Variants in CAB39L observed in about 807,000 individuals in gnomAD.
CAB39L encodes calcium binding protein 39 like, also known as calcium-binding protein 39-like.
A neutral mutation model predicts 39.1 loss-of-function variants in CAB39L; 23 were observed. The observed-to-expected ratio is 0.59, with a 90% CI of 0.42 to 0.83. The LOEUF is 0.83. Among genes scored for constraint, CAB39L ranks in the 40% least tolerant of loss-of-function variants. The pLI is 0.00. For missense variants in CAB39L, 366 were observed against 391.9 expected (o/e 0.93, Z 0.56); for synonymous variants, 126 against 137.2 (o/e 0.92, Z 0.57).
At chr13:49,356,256 T>G (rs1415285906) in intron 6 of CAB39L, among the ~76,000 whole-genome samples, 3 of 152,146 alleles carry the variant, frequency 2.0e-5, no homozygotes, top group Non-Finnish European at 4.4e-5. Context: ...AAAATGAAAC[T>G]GCTTAAAATT....
chr13:49,390,929 TG>T lies in CAB39L; in HGVS notation c.-31-7989del, dbSNP rs1297771579. Reference sequence around the variant, plus strand: ...AAAGGAAAAGAAAAAAACAGATAACTGATGAGAGAGTAACAAATACATCAAC... The same window carrying T: ...AAAGGAAAAGAAAAAAACAGATAACTATGAGAGAGTAACAAATACATCAAC... On this transcript the variant is annotated intron_variant, in intron 3 of 10. Coordinates refer to ENST00000409308, the MANE Select transcript of CAB39L (RefSeq NM_001079670.3). Among the ~76,000 whole-genome samples the T allele has an allele frequency of 1.3e-5, 2 of 150,898 alleles. 1 individual carries two copies. The highest frequency in any genetic ancestry group is 4.9e-5 in the African/African-American group (2 of 40,808).
intron 10 of CAB39L, among the ~76,000 whole-genome samples, chr13:49,315,897 AAAG>A (rs1195668216): frequency 1.3e-5 from 2 of 150,706 alleles, no homozygotes; most frequent in African/African-American, 2.4e-5. Flanking sequence ...AAAAAAAAAA[AAAG>A]AAAAGAAAAG....
intron 9 of CAB39L, among the ~76,000 whole-genome samples, chr13:49,338,702 G>A (rs958067418): frequency 3.3e-5 from 5 of 152,070 alleles, no homozygotes; most frequent in East Asian, 1.9e-4. Context: ...TCGTATATGC[G>A]ATCATGTAGT....
At chr13:49,371,299 T>C (rs984265182) in intron 5 of CAB39L, among the ~76,000 whole-genome samples, 2 of 151,746 alleles carry the variant, frequency 1.3e-5, no homozygotes, top group Non-Finnish European at 2.9e-5. Context: ...GCGATTCTCC[T>C]GCCTCAGCCT....
At chr13:49,332,405 T>C (rs1280707518) in intron 9 of CAB39L, among the ~76,000 whole-genome samples, 1 of 152,214 alleles carries the variant, frequency 6.6e-6, no homozygotes, top group Non-Finnish European at 1.5e-5. Flanking sequence ...TTCGCACTAA[T>C]GTATTGCTCC....
intron 4 of CAB39L, among the ~76,000 whole-genome samples, chr13:49,378,207 A>C: frequency 3.7e-5 from 3 of 82,166 alleles, no homozygotes; most frequent in South Asian, 4.4e-4. Context: ...CAGCCACCCC[A>C]TCTGGGAAGT....
chr13:49,440,715 A>AGTGTGTGTGTGTGTGTGTGTGT (rs56314282), intron 1 of CAB39L, among the ~76,000 whole-genome samples: 8 of 135,538 alleles, frequency 5.9e-5, no homozygotes, highest in Non-Finnish European at 8.1e-5. Context: ...ATTCCTAGGC[A>AGTGTGTGTGTGTGTGTGTGTGT]GTGTGTGTGT....
At chr13:49,355,381 C>T (rs897009957) in intron 6 of CAB39L, among the ~76,000 whole-genome samples, 2 of 151,812 alleles carry the variant, frequency 1.3e-5, no homozygotes, top group African/African-American at 4.8e-5. Context: ...GACCCTGTCT[C>T]GATAAATAAA....
chr13:49,346,259 T>C (rs1205848234), intron 7 of CAB39L, among the ~76,000 whole-genome samples: 4 of 143,178 alleles, frequency 2.8e-5, no homozygotes, highest in Non-Finnish European at 4.5e-5. Flanking sequence ...AAACCACATA[T>C]ACATACACAC....
At chr13:49,396,622 C>T (rs1184237608) in intron 3 of CAB39L, among the ~76,000 whole-genome samples, 1 of 151,948 alleles carries the variant, frequency 6.6e-6, no homozygotes, top group African/African-American at 2.4e-5. Flanking sequence ...GCAGGAGAAT[C>T]ACTTGAACCC....
intron 4 of CAB39L, among the ~76,000 whole-genome samples, chr13:49,378,550 C>A (rs1956160412): frequency 1.3e-5 from 1 of 74,920 alleles, no homozygotes; most frequent in Non-Finnish European, 2.7e-5. Context: ...GGGGTCAGCC[C>A]CCCCACCCGG....
intron 7 of CAB39L, among the ~76,000 whole-genome samples, chr13:49,346,650 G>GT (rs1377234216): frequency 6.6e-6 from 1 of 152,154 alleles, no homozygotes; most frequent in East Asian, 1.9e-4. Context: ...GACAGCTGCC[G>GT]TTTAGAGGGC....
At chr13:49,388,287 G>A (rs1956411721) in intron 3 of CAB39L, among the ~76,000 whole-genome samples, 1 of 152,116 alleles carries the variant, frequency 6.6e-6, no homozygotes, top group Admixed American at 6.6e-5. Context: ...AGCGTAAACA[G>A]AAAAACAATC....
At chr13:49,418,350 G>A (rs137992245) in intron 3 of CAB39L, among the ~76,000 whole-genome samples, 3 of 152,128 alleles carry the variant, frequency 2.0e-5, no homozygotes, top group South Asian at 2.1e-4. Context: ...CATAAAATAG[G>A]TTCATAGTTG....
chr13:49,420,828 T>A (rs926422993), intron 3 of CAB39L, among the ~76,000 whole-genome samples: 2 of 152,076 alleles, frequency 1.3e-5, no homozygotes, highest in African/African-American at 4.8e-5. Context: ...AGGTCAAGAA[T>A]CAGTAAGTAG....
intron 4 of CAB39L, among the ~76,000 whole-genome samples, chr13:49,379,815 T>A (rs1367938107): frequency 6.6e-6 from 1 of 151,890 alleles, no homozygotes; most frequent in Non-Finnish European, 1.5e-5. Flanking sequence ...TCTTTGGTAT[T>A]TCTACTTAGT....
chr13:49,375,540 G>A (rs1018540823), intron 5 of CAB39L, among the ~76,000 whole-genome samples: 1 of 151,938 alleles, frequency 6.6e-6, no homozygotes, highest in Non-Finnish European at 1.5e-5. Context: ...GCAAACTGTC[G>A]CAAAGACAAA....
chr13:49,335,781 A>T (rs748633309), intron 9 of CAB39L, among the ~76,000 whole-genome samples: 5 of 152,226 alleles, frequency 3.3e-5, no homozygotes, highest in Non-Finnish European at 7.4e-5. Flanking sequence ...AAGCTCTGTC[A>T]CATGATGGAA....
At chr13:49,418,671 C>T (rs1181653154) in intron 3 of CAB39L, among the ~76,000 whole-genome samples, 3 of 152,102 alleles carry the variant, frequency 2.0e-5, no homozygotes, top group East Asian at 1.9e-4. Flanking sequence ...TAGGTTCAAG[C>T]GATTCTTCTG....
Sources: allele counts gnomAD v4.1 joint callset (sites outside exome capture counted in the v4.1 genomes callset), GRCh38; gene constraint gnomAD v4.1.1; transcripts MANE v1.5; gene names NCBI Gene and HGNC (gene_info 2026-07-23, HGNC 2026-07-21).